The following CCSER1 variants were observed in gnomAD, a reference collection of about 807,000 sequenced individuals.
CCSER1 encodes the protein serine-rich coiled-coil domain-containing protein 1.
Under a neutral mutation model 82.0 loss-of-function variants are expected in CCSER1, and 41 were observed. That is an observed-to-expected ratio of 0.50 (90% CI 0.39 to 0.65). The LOEUF is 0.65. CCSER1 is among the 30% of genes least tolerant of loss of function. The pLI, the probability that CCSER1 is intolerant of heterozygous loss-of-function variation, is 0.00. For missense variants in CCSER1, 1,119 were observed against 1,064.2 expected (o/e 1.05, Z -0.72); for synonymous variants, 414 against 383.9 (o/e 1.08, Z -0.92).
At chr4:90,136,203 T>A (rs1188976757) in intron 1 of CCSER1, among the ~76,000 whole-genome samples, 1 of 152,132 alleles carries the variant, frequency 6.6e-6, no homozygotes, top group Non-Finnish European at 1.5e-5. Context: ...GGAGTGTTTA[T>A]TAGCTGGGTG....
At chr4:91,132,336 G>A (rs758115466) in intron 10 of CCSER1, among the ~76,000 whole-genome samples, 2 of 152,106 alleles carry the variant, frequency 1.3e-5, no homozygotes, top group African/African-American at 2.4e-5. Flanking sequence ...CTGTGAAGGT[G>A]TACAAAAGGT....
At chr4:90,867,058 G>A (rs1342363775) in intron 8 of CCSER1, among the ~76,000 whole-genome samples, 8 of 151,974 alleles carry the variant, frequency 5.3e-5, no homozygotes, top group Non-Finnish European at 1.5e-5. Flanking sequence ...CTAATCTAGG[G>A]CGTTTAATTA....
At chr4:90,479,930 C>T (rs974930722) in intron 5 of CCSER1, among the ~76,000 whole-genome samples, 1 of 152,136 alleles carries the variant, frequency 6.6e-6, no homozygotes, top group African/African-American at 2.4e-5. Flanking sequence ...TTTCTAGTTC[C>T]AGATCCCTGA....
intron 9 of CCSER1, among the ~76,000 whole-genome samples, chr4:91,036,991 C>T (rs1178274414): frequency 6.6e-6 from 1 of 152,008 alleles, no homozygotes; most frequent in Non-Finnish European, 1.5e-5. Context: ...GTGGGAGAAT[C>T]ACTTGAACCC....
chr4:91,124,096 C>G (rs1727306703), intron 10 of CCSER1, among the ~76,000 whole-genome samples: 1 of 151,712 alleles, frequency 6.6e-6, no homozygotes, highest in South Asian at 2.1e-4. Context: ...GACTATGTGA[C>G]TAAAGTATAA....
chr4:91,554,505 T>C (rs1322612442), intron 10 of CCSER1, among the ~76,000 whole-genome samples: 5 of 150,814 alleles, frequency 3.3e-5, no homozygotes, highest in African/African-American at 1.2e-4. Flanking sequence ...AAGAGGAAAA[T>C]CTGTACACTG....
intron 10 of CCSER1, among the ~76,000 whole-genome samples, chr4:91,436,004 T>C (rs1754626510): frequency 6.6e-6 from 1 of 152,232 alleles, no homozygotes; most frequent in Non-Finnish European, 1.5e-5. Flanking sequence ...CTCTTTTTTC[T>C]GGTCTCTGCC....
At chr4:90,378,045 G>A (rs1748638922) in intron 3 of CCSER1, among the ~76,000 whole-genome samples, 1 of 151,882 alleles carries the variant, frequency 6.6e-6, no homozygotes, top group Non-Finnish European at 1.5e-5. Context: ...TTAATTCATT[G>A]CCTTATTCAT....
intron 1 of CCSER1, among the ~76,000 whole-genome samples, chr4:90,241,650 AT>A (rs571615416): frequency 1.3e-5 from 2 of 151,262 alleles, no homozygotes; most frequent in Admixed American, 6.6e-5. Context: ...TTAGGGTGTT[AT>A]TTTTTTTTCT....
intron 6 of CCSER1, among the ~76,000 whole-genome samples, chr4:90,654,395 T>C (rs1729329973): frequency 6.6e-6 from 1 of 152,132 alleles, no homozygotes; most frequent in Non-Finnish European, 1.5e-5. Context: ...TTCTTCCTTT[T>C]ATACTTTATA....
intron 10 of CCSER1, among the ~76,000 whole-genome samples, chr4:91,410,268 A>T (rs1398177103): frequency 6.6e-6 from 1 of 152,134 alleles, no homozygotes; most frequent in African/African-American, 2.4e-5. Flanking sequence ...TTATATTCAA[A>T]TCCAAGATTT....
At chr4:91,015,717 GA>G (rs926879652) in intron 9 of CCSER1, among the ~76,000 whole-genome samples, 15 of 151,566 alleles carry the variant, frequency 9.9e-5, no homozygotes, top group African/African-American at 2.9e-4. Flanking sequence ...CTTTTACTCA[GA>G]AAAAAATATT....
intron 10 of CCSER1, among the ~76,000 whole-genome samples, chr4:91,469,486 G>A (rs1433437375): frequency 6.6e-6 from 1 of 152,070 alleles, no homozygotes; most frequent in Non-Finnish European, 1.5e-5. Context: ...CTCTCTTGGG[G>A]CACCCCAAAA....
intron 3 of CCSER1, among the ~76,000 whole-genome samples, chr4:90,375,061 G>T (rs1347240490): frequency 6.6e-6 from 1 of 152,138 alleles, no homozygotes; most frequent in Non-Finnish European, 1.5e-5. Context: ...GCCATGAAGT[G>T]CAGCTGTCAA....
intron 10 of CCSER1, among the ~76,000 whole-genome samples, chr4:91,509,800 A>G (rs1050223908): frequency 6.6e-6 from 1 of 152,206 alleles, no homozygotes; most frequent in Non-Finnish European, 1.5e-5. Flanking sequence ...AATTAATAGA[A>G]TATAGATGAT....
At chr4:91,157,311 GA>G (rs1730910884) in intron 10 of CCSER1, among the ~76,000 whole-genome samples, 2 of 151,928 alleles carry the variant, frequency 1.3e-5, no homozygotes, top group Admixed American at 1.3e-4. Context: ...ACTGTAAGTT[GA>G]AATTAAGAAG....
At chr4:90,868,697 C>T (rs1364466539) in intron 8 of CCSER1, among the ~76,000 whole-genome samples, 3 of 151,946 alleles carry the variant, frequency 2.0e-5, no homozygotes, top group Non-Finnish European at 2.9e-5. Context: ...TACTGATTTC[C>T]TTTCTTTTGG....
chr4:91,490,046 T>A (rs1269987870), intron 10 of CCSER1, among the ~76,000 whole-genome samples: 1 of 152,182 alleles, frequency 6.6e-6, no homozygotes, highest in African/African-American at 2.4e-5. Flanking sequence ...CAATGAGGTA[T>A]GTCACCCCAG....
chr4:90,188,795 A>C (rs190715102), intron 1 of CCSER1, among the ~76,000 whole-genome samples: 128 of 152,110 alleles, frequency 8.4e-4, no homozygotes, highest in Admixed American at 1.6e-3. Flanking sequence ...CCATATTTGC[A>C]TATTTATCCT....
Sources: allele counts gnomAD v4.1 joint callset (sites outside exome capture counted in the v4.1 genomes callset), GRCh38; gene constraint gnomAD v4.1.1; transcripts MANE v1.5; gene names NCBI Gene and HGNC (gene_info 2026-07-23, HGNC 2026-07-21).